Variants in CYRIB observed in about 807,000 individuals in gnomAD.
The protein encoded by CYRIB is CYFIP related Rac1 interactor B, also known as CYFIP-related Rac1 interactor B.
Under a neutral mutation model 44.2 loss-of-function variants are expected in CYRIB, and 8 were observed. The ratio of observed to expected loss-of-function variants is 0.18; its 90% CI spans 0.11 to 0.33. The LOEUF (loss-of-function observed/expected upper bound fraction) is 0.33, where lower values mean the gene tolerates loss of function less well. Among genes scored for constraint, CYRIB ranks in the 10% least tolerant of loss-of-function variants. The probability of loss-of-function intolerance (pLI) is 1.00; values close to 1 mark genes in which losing one functional copy is unlikely to be tolerated. For synonymous variants in CYRIB, 131 were observed against 127.2 expected (o/e 1.03, Z -0.20); for missense variants, 185 against 382.8 (o/e 0.48, Z 4.31).
intron 4 of CYRIB, 104 bp downstream of exon 6, chr8:129,871,271 T>C (rs2057085538): frequency 7.6e-7 from 1 of 1,313,186 alleles, no homozygotes; most frequent in Non-Finnish European, 1.0e-6. Context: ...TCAAATATAA[T>C]ACTTAATATG....
chr8:129,883,683 C>T (rs1305357549), intron 2 of CYRIB, among the ~76,000 whole-genome samples: 1 of 152,194 alleles, frequency 6.6e-6, no homozygotes, highest in Non-Finnish European at 1.5e-5. Context: ...AGTGGTTAAT[C>T]ATCAGCTTAG....
chr8:130,008,126 T>G (rs1592406328), intron 1 of CYRIB, among the ~76,000 whole-genome samples: 1 of 152,188 alleles, frequency 6.6e-6, no homozygotes, highest in South Asian at 2.1e-4. Flanking sequence ...GGAGAATTGC[T>G]TGAACCCGGG....
chr8:129,866,293 T>C (rs763477712), intron 4 of CYRIB, among the ~76,000 whole-genome samples: 3 of 152,214 alleles, frequency 2.0e-5, no homozygotes, highest in African/African-American at 4.8e-5. Context: ...CAGGGTAAAT[T>C]TGAGTGTGAA....
chr8:129,933,081 G>A (rs1407142769), intron 1 of CYRIB, among the ~76,000 whole-genome samples: 1 of 152,128 alleles, frequency 6.6e-6, no homozygotes, highest in Non-Finnish European at 1.5e-5. Context: ...CTGAGCCAAG[G>A]AATCCCCTAA....
chr8:129,975,058 T>C (rs763503115), intron 1 of CYRIB, among the ~76,000 whole-genome samples: 3 of 152,078 alleles, frequency 2.0e-5, no homozygotes, highest in African/African-American at 7.2e-5. Flanking sequence ...TTTTTGTGTT[T>C]CTAGTAGAAA....
intron 2 of CYRIB, among the ~76,000 whole-genome samples, chr8:129,945,467 C>T (rs542649256): frequency 6.6e-6 from 1 of 152,308 alleles, no homozygotes; most frequent in South Asian, 2.1e-4. Flanking sequence ...AGGGACTGAA[C>T]TAGGCACAGA....
upstream of CYRIB, among the ~76,000 whole-genome samples, chr8:129,943,911 TAAAAAAAAAA>T (rs545370945): frequency 7.6e-4 from 82 of 108,036 alleles, no homozygotes; most frequent in Admixed American, 1.0e-3. Flanking sequence ...GACTCCATCT[TAAAAAAAAAA>T]AAAAAAAAAA....
intron 2 of CYRIB, among the ~76,000 whole-genome samples, chr8:129,884,694 G>A (rs766480103): frequency 6.6e-6 from 1 of 152,154 alleles, no homozygotes; most frequent in Non-Finnish European, 1.5e-5. Flanking sequence ...GAATTTAGAA[G>A]GGAAAAGCTA....
chr8:129,956,108 C>T (rs2094812798), intron 2 of CYRIB, among the ~76,000 whole-genome samples: 1 of 152,178 alleles, frequency 6.6e-6, no homozygotes, highest in African/African-American at 2.4e-5. Context: ...CCTCTCCTTT[C>T]CTTCTCCAAC....
At chr8:129,939,992 G>C (rs2093542486), upstream of CYRIB, 1 of 152,412 alleles carries the variant, frequency 6.6e-6, no homozygotes, top group African/African-American at 2.4e-5. Context: ...CCAGAGACAG[G>C]TGGTCGGCGG....
chr8:129,946,567 A>C (rs533783809), intron 2 of CYRIB, among the ~76,000 whole-genome samples: 3 of 152,332 alleles, frequency 2.0e-5, no homozygotes, highest in African/African-American at 7.2e-5. Flanking sequence ...CAGCATTGAA[A>C]GATGACATCA....
chr8:129,995,790 C>A (rs566202487), intron 1 of CYRIB, among the ~76,000 whole-genome samples: 4 of 152,318 alleles, frequency 2.6e-5, no homozygotes, highest in Middle Eastern at 6.8e-3. Flanking sequence ...GCCACCAGCC[C>A]GAGGACCGTG....
intron 1 of CYRIB, among the ~76,000 whole-genome samples, chr8:130,010,483 C>CT (rs949579785): frequency 6.6e-5 from 10 of 152,204 alleles, no homozygotes; most frequent in African/African-American, 2.2e-4. Context: ...GCCTGAAACT[C>CT]TGAGTATGGG....
intron 2 of CYRIB, among the ~76,000 whole-genome samples, chr8:129,895,116 TGGGGTGGGGGTGGGGGTG>T: frequency 1.3e-4 from 1 of 7,584 alleles, no homozygotes; most frequent in East Asian, 4.4e-3. Flanking sequence ...TCGGCGGGGT[TGGGGTGGGGGTGGGGGTG>T]GGGGTGGGGG....
chr8:129,954,134 TGTTACCTTGCCCA>T (rs2094655465), intron 2 of CYRIB, among the ~76,000 whole-genome samples: 1 of 152,122 alleles, frequency 6.6e-6, no homozygotes, highest in Non-Finnish European at 1.5e-5. Flanking sequence ...AAGGGGAGAA[TGTTACCTTGCCCA>T]AGCTCTGGTC....
At chr8:129,958,065 G>GAGA (rs1204393523) in intron 2 of CYRIB, among the ~76,000 whole-genome samples, 44 of 152,272 alleles carry the variant, frequency 2.9e-4, no homozygotes, top group African/African-American at 8.9e-4. Context: ...GCTGAGGAAT[G>GAGA]AGAATCGCTT....
chr8:129,967,194 G>T (rs371347696), intron 2 of CYRIB, among the ~76,000 whole-genome samples: 14 of 152,242 alleles, frequency 9.2e-5, no homozygotes, highest in African/African-American at 3.4e-4. Flanking sequence ...ACTGACTCAA[G>T]AGTCCTAACC....
At chr8:129,848,735 A>AC (rs2041712838) in intron 10 of CYRIB, among the ~76,000 whole-genome samples, 2 of 141,318 alleles carry the variant, frequency 1.4e-5, no homozygotes, top group South Asian at 4.5e-4. Flanking sequence ...CACCTGGCTA[A>AC]TTTTTTTTTT....
At chr8:129,956,523 G>C (rs1055408105) in intron 2 of CYRIB, among the ~76,000 whole-genome samples, 27 of 143,228 alleles carry the variant, frequency 1.9e-4, no homozygotes, top group Admixed American at 1.6e-3. Context: ...ACACATACAT[G>C]TCTTTGTGTT....
Sources: gnomAD v4.1 joint callset for allele counts (sites outside exome capture counted in the v4.1 genomes callset) on GRCh38, gnomAD v4.1.1 for gene constraint, MANE v1.5 for transcripts, NCBI Gene and HGNC (gene_info 2026-07-23, HGNC 2026-07-21) for gene names.